IL15RA: variants seen among roughly 807,000 people sequenced by gnomAD.
IL15RA encodes the protein interleukin 15 receptor subunit alpha.
IL15RA carries 26 observed loss-of-function variants against 24.2 expected under a neutral mutation model. That is an observed-to-expected ratio of 1.07 (90% confidence interval 0.79 to 1.49). The LOEUF is 1.49. Among genes scored for constraint, IL15RA ranks in the 40% most tolerant of loss-of-function variants. IL15RA has a pLI of 0.00. For synonymous variants in IL15RA, 166 were observed against 157.6 expected, an observed-to-expected ratio of 1.05 and a Z score of -0.40; for missense variants, 354 against 356.4, an observed-to-expected ratio of 0.99 and a Z score of 0.05.
chr10:5,976,925 C>G (rs892981994), intron 1 of IL15RA: 2 of 153,292 alleles, frequency 1.3e-5, no homozygotes, highest in Non-Finnish European at 2.9e-5. Context: ...CCCCACCCTC[C>G]CAGCTCCCAC....
Position 5,966,690 on chromosome 10 carries a change from C to T in IL15RA, c.89-351G>A, listed in dbSNP as rs555721860. ...GACCCAGCCTCCAATTCTCACTGAA[C>T]GACAGCAAGTGCCTCCAGATAGGCC... On this transcript the variant is annotated intron_variant, in intron 1 of 6. Coordinates refer to ENST00000379977, the MANE Select transcript of IL15RA (RefSeq NM_002189.4). The surrounding 1 kb of genome is among the most constrained non-coding windows in gnomAD (Gnocchi z 6.4). Among the ~76,000 whole-genome samples the T allele has an allele frequency of 2.6e-5, 4 of 152,242 alleles. No homozygotes were observed. In the East Asian group the frequency reaches 5.8e-4, roughly 22 times the overall value.
chr10:5,957,202 C>T (rs1834665277), intron 5 of IL15RA, among the ~76,000 whole-genome samples: 1 of 151,968 alleles, frequency 6.6e-6, no homozygotes, highest in African/African-American at 2.4e-5. Context: ...CTCAAGTGAT[C>T]CACCTGCCTC....
rs1252341118 is a variant in IL15RA, at chr10:5,972,064, T to C, written c.88+5341A>G. On this transcript the variant is annotated intron_variant, in intron 1 of 6. Coordinates refer to ENST00000379977, the MANE Select transcript of IL15RA (RefSeq NM_002189.4). The stretch of plus-strand genomic sequence containing the variant: ...GACACCGCCTGTGTTCAGGATTTCA[T>C]CACCACCCACCAGAACGATTTCAAA... 2.0e-5 allele frequency among the ~76,000 whole-genome samples: 3 copies of C among 152,210 alleles called. No homozygotes were observed. In the East Asian group the frequency reaches 5.8e-4, roughly 29 times the overall value.
upstream of IL15RA, chr10:5,977,686 G>T: frequency 8.1e-7 from 1 of 1,230,572 alleles, no homozygotes; most frequent in Non-Finnish European, 1.0e-6. Flanking sequence ...CCCCTGCTGG[G>T]GAAGGAGCCC....
downstream of IL15RA, chr10:5,949,375 G>A (rs1833713952): frequency 2.1e-6 from 1 of 470,548 alleles, no homozygotes; most frequent in Non-Finnish European, 4.4e-6. This position sits in a 1 kb window ranked among gnomAD's most constrained non-coding sequence, Gnocchi z 4.4. Context: ...AAATCCCCCG[G>A]TAATATAGTG....
At chr10:5,977,375 G>A (rs1275686565) in intron 1 of IL15RA, 30 bp downstream of exon 1, 2 of 1,132,100 alleles carry the variant, frequency 1.8e-6, no homozygotes, top group Non-Finnish European at 1.1e-6. Context: ...TCCAAGTCCC[G>A]CCCGGGCGCC....
At chr10:5,949,533 C>T (rs927708715), downstream of IL15RA, among the ~76,000 whole-genome samples, 2 of 152,060 alleles carry the variant, frequency 1.3e-5, no homozygotes, top group Admixed American at 6.6e-5. This position sits in a 1 kb window ranked among gnomAD's most constrained non-coding sequence, Gnocchi z 4.4. Context: ...TCGGGGAGTC[C>T]GCTCTGTGCT....
rs1459762138 is a variant in IL15RA at position 5,971,229 on chromosome 10, G to C, written c.89-4890C>G. Among the ~76,000 whole-genome samples, 1 of 152,114 alleles carries C rather than the reference G, an allele frequency of 6.6e-6. No homozygotes were observed. The highest frequency in any genetic ancestry group is 2.4e-5 in the African/African-American group (1 of 41,420). On this transcript the variant is annotated intron_variant, in intron 1 of 6. Coordinates refer to ENST00000379977, the MANE Select transcript of IL15RA (RefSeq NM_002189.4). The surrounding 1 kb of genome is among the most constrained non-coding windows in gnomAD (Gnocchi z 5.5). ...ACTTTCCTACGGCTGGTATACGATA[G>C]ATATTTTCTGAATACATATAATGGA...
downstream of IL15RA, among the ~76,000 whole-genome samples, chr10:5,951,596 T>G (rs961859825): frequency 2.6e-4 from 39 of 152,298 alleles, no homozygotes; most frequent in African/African-American, 7.5e-4. Flanking sequence ...GAGGCCGAGG[T>G]GAGTGAATCA....
rs201011646 is a variant in IL15RA, at chr10:5,959,791, G to A, written c.584-5C>T. On this transcript the variant is annotated splice_polypyrimidine_tract_variant and splice_region_variant and intron_variant, in intron 4 of 6. Coordinates refer to ENST00000379977, the MANE Select transcript of IL15RA (RefSeq NM_002189.4). This position sits in a 1 kb window ranked among gnomAD's most constrained non-coding sequence, Gnocchi z 4.1. ...TGTGGCCCTGTGGATACACACCTGC[G>A]GAAAAGAGAGGACAGCATCACGGCT... The A allele has an allele frequency of 8.6e-5, 139 of 1,613,804 alleles. No homozygotes were observed. The highest frequency in any genetic ancestry group is 1.7e-4 in the Middle Eastern group (1 of 6,060).
At position 5,977,466 on chromosome 10, in the gene IL15RA, G is replaced by A; in HGVS notation, c.27C>T (p.Cys9=). 1 of 1,359,368 alleles carries A rather than the reference G, an allele frequency of 7.4e-7. No homozygotes were observed. The allele number at this position is 1,359,368 out of a possible 1,614,324, so 84.2% of individuals were successfully genotyped here. ...GCAGCGCCGGGAGACCGAGGGTCCG[G>A]CAGCCGCGCGCCCGCCGCGGGGCCA... MAPRRARG[C]RTLGLPALLL... Residue 9 remains cysteine, a synonymous_variant, in exon 1 of 7, where the codon TGC becomes TGT. Transcript: ENST00000379977.
rs535694375 is a variant in IL15RA at position 5,963,686 on chromosome 10, G to A, written c.382+57C>T. On this transcript the variant is annotated intron_variant, in intron 3 of 6. Coordinates refer to ENST00000379977, the MANE Select transcript of IL15RA (RefSeq NM_002189.4). The surrounding 1 kb of genome is among the most constrained non-coding windows in gnomAD (Gnocchi z 5.3). ...CCGTGAGTCTGCAGGATTGGTGAGC[G>A]GGCCTCTGGGTGTTGGGAGGGAATG... The A allele has an allele frequency of 9.1e-6, 10 of 1,101,520 alleles. No individual in the cohort carries two copies. The highest frequency in any genetic ancestry group is 3.3e-5 in the African/African-American group (2 of 60,212). 68.2% of individuals were successfully genotyped at this position (1,101,520 alleles called of 1,614,324 possible).
Position 5,965,725 on chromosome 10 carries a change from T to G in IL15RA, c.283+420A>C, listed in dbSNP as rs1033680445. Reference sequence around the variant, plus strand: ...AGGATCACACTGGTGTCTTTCTTTTTTTCTTTCTTTTTTGAGATGGAGTCT... The same window carrying G: ...AGGATCACACTGGTGTCTTTCTTTTGTTCTTTCTTTTTTGAGATGGAGTCT... On this transcript the variant is annotated intron_variant, in intron 2 of 6. Coordinates refer to ENST00000379977, the MANE Select transcript of IL15RA (RefSeq NM_002189.4). The surrounding 1 kb of genome is among the most constrained non-coding windows in gnomAD (Gnocchi z 5.8). 6.6e-6 allele frequency among the ~76,000 whole-genome samples: 1 copy of G among 152,138 alleles called. No individual in the cohort carries two copies. The highest frequency in any genetic ancestry group is 2.4e-5 in the African/African-American group (1 of 41,428).
At position 5,970,708 on chromosome 10, in the gene IL15RA, T is replaced by C. The variant is rs191097428; in HGVS notation, c.89-4369A>G. On this transcript the variant is annotated intron_variant, in intron 1 of 6. Coordinates refer to ENST00000379977, the MANE Select transcript of IL15RA (RefSeq NM_002189.4). The surrounding 1 kb of genome is among the most constrained non-coding windows in gnomAD (Gnocchi z 4.1). ...ACACTGTTTCATTTTATTATTTTAT[T>C]TTTAAAATGATTTTATTTTATTTCA... 7.0e-4 allele frequency among the ~76,000 whole-genome samples: 107 copies of C among 151,830 alleles called. No individual in the cohort carries two copies. Among genetic ancestry groups the C allele is most frequent in the Non-Finnish European group, 1.3e-3 (85 of 67,984 alleles).
At chr10:5,952,104 G>C (rs143079909), downstream of IL15RA, among the ~76,000 whole-genome samples, 2 of 152,282 alleles carry the variant, frequency 1.3e-5, no homozygotes, top group African/African-American at 4.8e-5. Flanking sequence ...GTCAAAAACA[G>C]CAAAGAAAGT....
chr10:5,956,666 C>T (rs990657821), intron 5 of IL15RA, among the ~76,000 whole-genome samples: 10 of 152,230 alleles, frequency 6.6e-5, no homozygotes, highest in Non-Finnish European at 1.3e-4. Context: ...AGCTCCCAGT[C>T]GTCCCACACC....
In IL15RA at chr10:5,976,706, G is replaced by A. The variant is rs143982235; in HGVS notation, c.88+699C>T. ...CTCCCTGCCGAGATCAGAGCTCCGCGACCCGCTTTCTTCTCGAATACACCA... is the reference window on the plus strand; with the variant it reads ...CTCCCTGCCGAGATCAGAGCTCCGCAACCCGCTTTCTTCTCGAATACACCA... On this transcript the variant is annotated intron_variant, in intron 1 of 6. Coordinates refer to ENST00000379977, the MANE Select transcript of IL15RA (RefSeq NM_002189.4). Among the ~76,000 whole-genome samples, 936 of 152,072 alleles carry A rather than the reference G, an allele frequency of 6.2e-3. 16 individuals are homozygous for A. Among genetic ancestry groups the A allele is most frequent in the South Asian group, 0.044 (213 of 4,814 alleles).
At position 5,961,943 on chromosome 10, in the gene IL15RA, G is replaced by A. The variant is rs1835638500; in HGVS notation, c.383-1376C>T. ...CCTACGCTCACTGCCAATGCTCCAGGGCTCCCTGCACAGGACGCACCAAGG... is the reference window on the plus strand; with the variant it reads ...CCTACGCTCACTGCCAATGCTCCAGAGCTCCCTGCACAGGACGCACCAAGG... On this transcript the variant is annotated intron_variant, in intron 3 of 6. Transcript: ENST00000379977. The surrounding 1 kb of genome is among the most constrained non-coding windows in gnomAD (Gnocchi z 5.2). Among the ~76,000 whole-genome samples the A allele has an allele frequency of 6.6e-6, 1 of 152,156 alleles. No homozygotes were observed.
At position 5,961,214 on chromosome 10, in the gene IL15RA, C is replaced by T. The variant is rs185817929; in HGVS notation, c.383-647G>A. On this transcript the variant is annotated intron_variant, in intron 3 of 6. Coordinates refer to ENST00000379977, the MANE Select transcript of IL15RA (RefSeq NM_002189.4). The surrounding 1 kb of genome is among the most constrained non-coding windows in gnomAD (Gnocchi z 5.2). ...ACGGGCGAGAGCCACTGTGCCCTGC[C>T]GCAAGACCCTGTTTCTACAAAAATA... Among the ~76,000 whole-genome samples, 37 of 151,880 alleles carry T rather than the reference C, an allele frequency of 2.4e-4. No homozygotes were observed. The highest frequency in any genetic ancestry group is 5.8e-4 in the African/African-American group (24 of 41,322).
Sources: allele counts gnomAD v4.1 joint callset (sites outside exome capture counted in the v4.1 genomes callset), GRCh38; gene constraint gnomAD v4.1.1; non-coding constraint Gnocchi (gnomAD v3.1); transcripts MANE v1.5; gene names NCBI Gene and HGNC (gene_info 2026-07-23, HGNC 2026-07-21).